Variants in ELMO1 observed in about 807,000 individuals in gnomAD.
ELMO1 encodes the protein engulfment and cell motility protein 1.
A neutral mutation model predicts 98.9 loss-of-function variants in ELMO1; 26 were observed. That is an observed-to-expected ratio of 0.26 (90% confidence interval 0.19 to 0.36). ELMO1 has a LOEUF of 0.36. Ranked by LOEUF, ELMO1 falls within the 10% of genes least tolerant of loss-of-function variation. ELMO1 has a pLI of 1.00. For synonymous variants in ELMO1, 346 were observed against 346.0 expected (o/e 1.00, Z 0.00); for missense variants, 627 against 935.2 (o/e 0.67, Z 4.30).
chr7:36,869,846 A>T (rs1024550867), intron 20 of ELMO1, among the ~76,000 whole-genome samples: 1 of 152,214 alleles, frequency 6.6e-6, no homozygotes, highest in African/African-American at 2.4e-5. Flanking sequence ...TTTCTCCTTT[A>T]GTCTGAGTTG....
At chr7:37,129,542 T>C (rs1034354643) in intron 14 of ELMO1, among the ~76,000 whole-genome samples, 2 of 152,318 alleles carry the variant, frequency 1.3e-5, no homozygotes, top group African/African-American at 4.8e-5. Flanking sequence ...ATTATCTGTT[T>C]CCTTAATGGC....
At chr7:37,247,379 T>C (rs118004697) in intron 6 of ELMO1, among the ~76,000 whole-genome samples, 2,124 of 152,274 alleles carry the variant, frequency 0.014, 17 homozygotes, top group Middle Eastern at 0.027. Flanking sequence ...CAGCAGCTAC[T>C]AGATTAAACT....
At chr7:37,429,056 A>AT (rs1336808978) in intron 1 of ELMO1, among the ~76,000 whole-genome samples, 1 of 147,034 alleles carries the variant, frequency 6.8e-6, no homozygotes, top group African/African-American at 2.5e-5. Context: ...TGTTGTTGTT[A>AT]TTTTTTCCAA....
intron 1 of ELMO1, among the ~76,000 whole-genome samples, chr7:37,440,234 G>C (rs1432095758): frequency 6.6e-6 from 1 of 152,096 alleles, no homozygotes; most frequent in Non-Finnish European, 1.5e-5. Context: ...ACAAGGTCAG[G>C]AGTTCGAGAC....
In ELMO1 at chr7:36,870,508, C is replaced by T. The variant is rs377367982; in HGVS notation, c.1823-33G>A. 7.2e-5 allele frequency: 116 copies of T among 1,604,316 alleles called. No individual in the cohort carries two copies. In the African/African-American group the frequency reaches 7.7e-4, roughly 11 times the overall value. On this transcript the variant is annotated intron_variant, in intron 19 of 21. Coordinates refer to ENST00000310758, the MANE Select transcript of ELMO1 (RefSeq NM_014800.11). This position sits in a 1 kb window ranked among gnomAD's most constrained non-coding sequence, Gnocchi z 4.4. ...TCATAAAAGAAAATGCAAGTAACTA[C>T]ACCATGTGAAAACTTTGATGTCAAT... is the stretch of plus-strand genomic sequence containing the variant.
chr7:36,937,107 G>A (rs750716809), intron 16 of ELMO1, among the ~76,000 whole-genome samples: 9 of 152,130 alleles, frequency 5.9e-5, no homozygotes, highest in African/African-American at 1.9e-4. Context: ...CTTTAGCACC[G>A]GTTATGGTTT....
intron 4 of ELMO1, among the ~76,000 whole-genome samples, chr7:37,291,962 T>C (rs868480581): frequency 0.13 from 6,523 of 48,896 alleles, 279 homozygotes; most frequent in Non-Finnish European, 0.19. Context: ...ACGGTCTCCC[T>C]CTCCCTCTCT....
intron 1 of ELMO1, among the ~76,000 whole-genome samples, chr7:37,418,082 CA>C (rs1376052030): frequency 6.6e-6 from 1 of 152,122 alleles, no homozygotes; most frequent in Non-Finnish European, 1.5e-5. Context: ...CCCAGTTCAT[CA>C]AAAGATGTTA....
chr7:36,974,066 G>A (rs898315623), intron 16 of ELMO1, among the ~76,000 whole-genome samples: 4 of 152,344 alleles, frequency 2.6e-5, no homozygotes, highest in South Asian at 2.1e-4. Flanking sequence ...CCTGATGAGC[G>A]CCGCCCCCTG....
At chr7:37,025,358 A>G (rs34603066) in intron 15 of ELMO1, among the ~76,000 whole-genome samples, 44,196 of 152,126 alleles carry the variant, frequency 0.29, 8,930 homozygotes, top group African/African-American at 0.58. Context: ...GGTATTGATG[A>G]GGCATAGGGA....
intron 1 of ELMO1, among the ~76,000 whole-genome samples, chr7:37,374,942 C>T (rs926069305): frequency 6.6e-6 from 1 of 151,870 alleles, no homozygotes; most frequent in Admixed American, 6.6e-5. Flanking sequence ...TGCCTGTAAT[C>T]CCAGCTACTT....
chr7:37,322,477 C>T (rs1799570437), intron 2 of ELMO1, among the ~76,000 whole-genome samples: 1 of 151,972 alleles, frequency 6.6e-6, no homozygotes, highest in Admixed American at 6.6e-5. Context: ...ATTAGCCAGG[C>T]ATGGTGGTGG....
intron 15 of ELMO1, among the ~76,000 whole-genome samples, chr7:37,023,897 G>A (rs912342751): frequency 5.3e-5 from 8 of 152,024 alleles, no homozygotes; most frequent in African/African-American, 9.7e-5. Flanking sequence ...ATTTTCTTTC[G>A]TGAATGGAGA....
intron 16 of ELMO1, among the ~76,000 whole-genome samples, chr7:36,970,591 T>C (rs982483850): frequency 6.6e-6 from 1 of 152,218 alleles, no homozygotes. Context: ...ATTCCTTCCA[T>C]GTCCCTGGCA....
intron 16 of ELMO1, among the ~76,000 whole-genome samples, chr7:36,909,622 G>A (rs768025529): frequency 1.3e-5 from 2 of 152,222 alleles, no homozygotes; most frequent in Non-Finnish European, 2.9e-5. Flanking sequence ...GTACGTACAG[G>A]TACACAAAGA....
chr7:37,369,074 G>C (rs965291376), intron 1 of ELMO1, among the ~76,000 whole-genome samples: 1 of 152,002 alleles, frequency 6.6e-6, no homozygotes, highest in Non-Finnish European at 1.5e-5. Flanking sequence ...CAAAATAAAC[G>C]GATAAACATA....
chr7:37,146,628 G>C (rs2129314411), intron 13 of ELMO1, among the ~76,000 whole-genome samples: 1 of 152,294 alleles, frequency 6.6e-6, no homozygotes, highest in East Asian at 1.9e-4. Context: ...GTGTCCCAAA[G>C]ATCCTTACAA....
chr7:37,292,623 G>A (rs148387586), intron 4 of ELMO1, among the ~76,000 whole-genome samples: 3,164 of 113,138 alleles, frequency 0.028, 168 homozygotes, highest in East Asian at 0.099. Flanking sequence ...TGTGAGGAGC[G>A]TCTCTGCCTG....
intron 15 of ELMO1, among the ~76,000 whole-genome samples, chr7:37,052,652 A>C (rs1289292163): frequency 1.3e-5 from 2 of 152,128 alleles, no homozygotes; most frequent in Non-Finnish European, 2.9e-5. Flanking sequence ...CAAATCTCAA[A>C]CCTCTTGCAT....
Sources: allele counts gnomAD v4.1 joint callset (sites outside exome capture counted in the v4.1 genomes callset), GRCh38; gene constraint gnomAD v4.1.1; non-coding constraint Gnocchi (gnomAD v3.1); transcripts MANE v1.5; gene names NCBI Gene and HGNC (gene_info 2026-07-23, HGNC 2026-07-21).